The following UBTD2 variants were observed in gnomAD, a reference collection of about 807,000 sequenced individuals.
UBTD2 encodes the protein ubiquitin domain-containing protein 2.
Under a neutral mutation model 19.8 loss-of-function variants are expected in UBTD2, and 9 were observed. The observed-to-expected ratio is 0.46, with a 90% CI of 0.27 to 0.79. The LOEUF is 0.79. Ranked by LOEUF, UBTD2 falls within the 30% of genes least tolerant of loss-of-function variation. The probability of loss-of-function intolerance (pLI) is 0.14; values close to 1 mark genes in which losing one functional copy is unlikely to be tolerated. For missense variants in UBTD2, 250 were observed against 300.4 expected (o/e 0.83, Z 1.24); for synonymous variants, 98 against 103.9 (o/e 0.94, Z 0.35).
chr5:172,252,168 T>G (rs1755038476), intron 1 of UBTD2, among the ~76,000 whole-genome samples: 1 of 152,248 alleles, frequency 6.6e-6, no homozygotes, highest in South Asian at 2.1e-4. Context: ...CTCCTGGCTT[T>G]AAGAGTTACT....
chr5:172,228,215 G>A (rs2113886370), intron 2 of UBTD2, among the ~76,000 whole-genome samples: 1 of 152,284 alleles, frequency 6.6e-6, no homozygotes, highest in East Asian at 1.9e-4. Context: ...GATTACTTGT[G>A]CAATCACTTT....
intron 1 of UBTD2, among the ~76,000 whole-genome samples, chr5:172,263,730 C>A (rs544378089): frequency 1.3e-5 from 2 of 152,122 alleles, no homozygotes; most frequent in South Asian, 2.1e-4. Context: ...GGAGGTGGAG[C>A]TTCAGTGAGC....
chr5:172,272,808 C>T (rs779909101), intron 1 of UBTD2, among the ~76,000 whole-genome samples: 6 of 152,238 alleles, frequency 3.9e-5, no homozygotes, highest in Non-Finnish European at 7.4e-5. Flanking sequence ...AGGCCAGGTG[C>T]GGTCGCTCAC....
chr5:172,248,211 G>A (rs959331897), intron 1 of UBTD2, among the ~76,000 whole-genome samples: 1 of 152,174 alleles, frequency 6.6e-6, no homozygotes, highest in African/African-American at 2.4e-5. Context: ...CATTAAAAGG[G>A]AAGAAAGATC....
At chr5:172,282,036 A>C (rs1755728023) in intron 1 of UBTD2, among the ~76,000 whole-genome samples, 1 of 152,248 alleles carries the variant, frequency 6.6e-6, no homozygotes, top group South Asian at 2.1e-4. Flanking sequence ...AAAAGGCTTA[A>C]ATAAATTAAT....
chr5:172,256,299 AAC>A lies in UBTD2; in HGVS notation c.71-21943_71-21942del, dbSNP rs373444262. 5.1e-4 allele frequency among the ~76,000 whole-genome samples: 77 copies of A among 152,150 alleles called. 2 individuals are homozygous for A. The South Asian group carries it at 0.014, about 28-fold the overall frequency. ...ACATGTACTCCCAACACCTGCCCCCAACACACACACACCTTAAGTCTGAAAAG... is the reference window on the plus strand; with the variant it reads ...ACATGTACTCCCAACACCTGCCCCCAACACACACACCTTAAGTCTGAAAAG... On this transcript the variant is annotated intron_variant, in intron 1 of 2. Coordinates refer to ENST00000393792, the MANE Select transcript of UBTD2 (RefSeq NM_152277.3).
At chr5:172,222,567 G>A (rs908941601) in intron 2 of UBTD2, among the ~76,000 whole-genome samples, 3 of 152,160 alleles carry the variant, frequency 2.0e-5, no homozygotes, top group East Asian at 1.9e-4. Context: ...CTGAGACATC[G>A]CAGAACAGAA....
At chr5:172,275,379 G>C (rs74764744) in intron 1 of UBTD2, among the ~76,000 whole-genome samples, 1 of 151,782 alleles carries the variant, frequency 6.6e-6, no homozygotes, top group African/African-American at 2.4e-5. Context: ...ACAGCCAAAC[G>C]GTATCACACC....
rs539865357 is a variant in UBTD2 at position 172,283,320 on chromosome 5, G to A, written c.70+276C>T. Among the ~76,000 whole-genome samples, 2 of 152,100 alleles carry A rather than the reference G, an allele frequency of 1.3e-5. No individual in the cohort carries two copies. The highest frequency in any genetic ancestry group is 2.9e-5 in the Non-Finnish European group (2 of 67,992). ...GAGAGGGAGTGAGGTGGCCAGAAGG[G>A]CAGCTTCGGGTCCGACTTCCCCGAG... is the stretch of plus-strand genomic sequence containing the variant. On this transcript the variant is annotated intron_variant, in intron 1 of 2. Coordinates refer to ENST00000393792, the MANE Select transcript of UBTD2 (RefSeq NM_152277.3). This position sits in a 1 kb window ranked among gnomAD's most constrained non-coding sequence, Gnocchi z 4.3.
At chr5:172,251,465 CAAAAAAAA>C (rs59810255) in intron 1 of UBTD2, among the ~76,000 whole-genome samples, 2 of 91,958 alleles carry the variant, frequency 2.2e-5, no homozygotes, top group African/African-American at 4.1e-5. Context: ...TCAAACTGTC[CAAAAAAAA>C]AAAAAAAAAA....
At chr5:172,249,495 C>T (rs1262885629) in intron 1 of UBTD2, among the ~76,000 whole-genome samples, 1 of 150,796 alleles carries the variant, frequency 6.6e-6, no homozygotes, top group Non-Finnish European at 1.5e-5. Flanking sequence ...TCTATGAGGC[C>T]AACATTACCC....
intron 1 of UBTD2, among the ~76,000 whole-genome samples, chr5:172,266,264 A>G (rs576210353): frequency 6.6e-6 from 1 of 152,316 alleles, no homozygotes; most frequent in East Asian, 1.9e-4. Flanking sequence ...CAAGCAAAGG[A>G]AACAGCACGA....
At chr5:172,213,151 T>C (rs879708660) in intron 2 of UBTD2, among the ~76,000 whole-genome samples, 1 of 150,446 alleles carries the variant, frequency 6.6e-6, no homozygotes, top group Non-Finnish European at 1.5e-5. Context: ...CCACCACGCC[T>C]GGGTGATTTT....
intron 1 of UBTD2, among the ~76,000 whole-genome samples, chr5:172,250,841 G>A (rs1754988840): frequency 6.6e-6 from 1 of 150,572 alleles, no homozygotes; most frequent in Admixed American, 6.6e-5. Context: ...GCTGAGGTGG[G>A]TGGATCACCC....
At chr5:172,275,763 C>G (rs561795306) in intron 1 of UBTD2, among the ~76,000 whole-genome samples, 97 of 152,286 alleles carry the variant, frequency 6.4e-4, no homozygotes, top group African/African-American at 2.3e-3. Context: ...CATGGTGACT[C>G]CACTTAGACA....
chr5:172,253,973 T>C (rs1407933087), intron 1 of UBTD2, among the ~76,000 whole-genome samples: 1 of 152,188 alleles, frequency 6.6e-6, no homozygotes, highest in Non-Finnish European at 1.5e-5. Context: ...GAGGGAGGAT[T>C]AGACAACATC....
chr5:172,272,038 T>A (rs974053296), intron 1 of UBTD2, among the ~76,000 whole-genome samples: 1 of 152,206 alleles, frequency 6.6e-6, no homozygotes, highest in Non-Finnish European at 1.5e-5. Context: ...GATTTTCACA[T>A]GTAAATATTT....
chr5:172,240,136 A>G (rs1439599353), intron 1 of UBTD2, among the ~76,000 whole-genome samples: 1 of 152,220 alleles, frequency 6.6e-6, no homozygotes, highest in African/African-American at 2.4e-5. Flanking sequence ...CTAACAAAGG[A>G]GAAGCAGCAG....
intron 2 of UBTD2, among the ~76,000 whole-genome samples, chr5:172,218,716 T>C (rs1324597578): frequency 6.8e-6 from 1 of 148,052 alleles, no homozygotes; most frequent in Non-Finnish European, 1.5e-5. Flanking sequence ...CCTGGGAGTT[T>C]GAGGCTGCAG....
Sources: allele counts gnomAD v4.1 joint callset (sites outside exome capture counted in the v4.1 genomes callset), GRCh38; gene constraint gnomAD v4.1.1; non-coding constraint Gnocchi (gnomAD v3.1); transcripts MANE v1.5; gene names NCBI Gene and HGNC (gene_info 2026-07-23, HGNC 2026-07-21).